PYHIN1: variants seen among roughly 807,000 people sequenced by gnomAD.
PYHIN1 encodes pyrin and HIN domain family member 1.
Under a neutral mutation model 43.7 loss-of-function variants are expected in PYHIN1, and 32 were observed. The observed-to-expected ratio is 0.73, with a 90% CI of 0.55 to 0.98. The LOEUF is 0.98. Among genes scored for constraint, PYHIN1 ranks in the 50% least tolerant of loss-of-function variants. The pLI, the probability that PYHIN1 is intolerant of heterozygous loss-of-function variation, is 0.00. For synonymous variants in PYHIN1, 205 were observed against 203.1 expected, an observed-to-expected ratio of 1.01 and a Z score of -0.08; for missense variants, 588 against 589.5, an observed-to-expected ratio of 1.00 and a Z score of 0.03.
At chr1:158,958,100 GA>G (rs1650071256) in intron 7 of PYHIN1, among the ~76,000 whole-genome samples, 1 of 151,972 alleles carries the variant, frequency 6.6e-6, no homozygotes. Flanking sequence ...AAAAAGTCAG[GA>G]AACAACAGGT....
chr1:158,942,366 A>G lies in PYHIN1; in HGVS notation c.969A>G (p.Gly323=). Residue 323 remains glycine (G), a synonymous_variant, in exon 5 of 9, where the codon GGA becomes GGG. Coordinates refer to ENST00000368140, the MANE Select transcript of PYHIN1 (RefSeq NM_152501.5). The stretch of plus-strand genomic sequence containing the variant: ...ATATTCTTCACAAACAAACTTCAGG[A>G]TATATTGTATATGGATTATTTATGC... ...KINILHKQTS[G]YIVYGLFMLH... The G allele has an allele frequency of 6.2e-7, 1 of 1,607,846 alleles. No homozygotes were observed. Among genetic ancestry groups the G allele is most frequent in the Non-Finnish European group, 8.5e-7 (1 of 1,178,110 alleles).
chr1:158,950,906 T>C (rs1364748741), intron 7 of PYHIN1, among the ~76,000 whole-genome samples: 1 of 152,248 alleles, frequency 6.6e-6, no homozygotes, highest in Non-Finnish European at 1.5e-5. Context: ...TTTTGTGGGC[T>C]GTCCCATAAG....
chr1:158,953,842 G>A (rs1258653443), intron 7 of PYHIN1, among the ~76,000 whole-genome samples: 1 of 150,964 alleles, frequency 6.6e-6, no homozygotes, highest in African/African-American at 2.4e-5. Context: ...CAAAGAAGTT[G>A]AAAACTTTGA....
chr1:158,976,606 G>T, intron 8 of PYHIN1, 95 bp from the exon 9 acceptor site: 1 of 851,098 alleles, frequency 1.2e-6, no homozygotes, highest in South Asian at 1.7e-5. Flanking sequence ...AAGAAGAGAT[G>T]TGGCTCACAG....
At chr1:158,982,167 G>A in the PYHIN1 span, among the ~76,000 whole-genome samples, 1 of 152,084 alleles carries the variant, frequency 6.6e-6, no homozygotes, top group African/African-American at 2.4e-5. Context: ...TTTTGTTGTT[G>A]TTGCTACATT....
At chr1:158,977,190 C>T (rs1473150695), downstream of PYHIN1, 1 of 152,256 alleles carries the variant, frequency 6.6e-6, no homozygotes, top group Non-Finnish European at 1.5e-5. Context: ...CTGGTTAAGA[C>T]TGAACTGACT....
At chr1:158,963,582 A>C (rs369126206) in intron 7 of PYHIN1, among the ~76,000 whole-genome samples, 1 of 152,236 alleles carries the variant, frequency 6.6e-6, no homozygotes, top group Non-Finnish European at 1.5e-5. Context: ...CATGCCCTGC[A>C]TATGGCAGAG....
intron 7 of PYHIN1, among the ~76,000 whole-genome samples, chr1:158,965,033 A>C (rs1650552323): frequency 6.6e-6 from 1 of 152,190 alleles, no homozygotes; most frequent in South Asian, 2.1e-4. Context: ...AAATAAAAGG[A>C]CAAAGAAAAA....
intron 7 of PYHIN1, among the ~76,000 whole-genome samples, chr1:158,955,254 A>C (rs1277594703): frequency 6.6e-6 from 1 of 152,154 alleles, no homozygotes; most frequent in Non-Finnish European, 1.5e-5. Flanking sequence ...AACCGGACCT[A>C]ACAGACATCT....
downstream of PYHIN1, among the ~76,000 whole-genome samples, chr1:158,978,355 G>T (rs994358505): frequency 6.6e-6 from 1 of 151,798 alleles, no homozygotes; most frequent in Non-Finnish European, 1.5e-5. Flanking sequence ...TGAAGCCACC[G>T]AATTTTTTCC....
At chr1:158,940,924 T>C (rs992140888) in intron 4 of PYHIN1, among the ~76,000 whole-genome samples, 4 of 152,212 alleles carry the variant, frequency 2.6e-5, no homozygotes, top group Admixed American at 6.5e-5. Flanking sequence ...CTCTGAGCAG[T>C]TATATGATCC....
At chr1:158,936,799 T>G (rs1648569889) in intron 1 of PYHIN1, 92 bp from the exon 2 acceptor site, 1 of 806,406 alleles carries the variant, frequency 1.2e-6, no homozygotes, top group Non-Finnish European at 1.8e-6. Context: ...TGAACAACTC[T>G]TTCTTATGGG....
intron 7 of PYHIN1, among the ~76,000 whole-genome samples, chr1:158,947,835 G>A (rs1649305477): frequency 6.6e-6 from 1 of 152,222 alleles, no homozygotes; most frequent in Admixed American, 6.5e-5. Flanking sequence ...GTTGATCAAA[G>A]GTTGGTCTTA....
At chr1:158,939,043 C>G (rs764514169) in intron 3 of PYHIN1, 37 bp from the exon 4 acceptor site, 1 of 1,482,104 alleles carries the variant, frequency 6.7e-7, no homozygotes, top group Non-Finnish European at 9.1e-7. Context: ...TCATTTGACA[C>G]TGAAAGTAAT....
intron 7 of PYHIN1, among the ~76,000 whole-genome samples, chr1:158,956,953 A>T (rs1411403914): frequency 1.5e-5 from 2 of 131,216 alleles, no homozygotes; most frequent in African/African-American, 5.8e-5. Context: ...ATTCTTATAC[A>T]CCAACAACAG....
intron 7 of PYHIN1, among the ~76,000 whole-genome samples, chr1:158,970,811 T>A (rs780533662): frequency 6.6e-6 from 1 of 152,044 alleles, no homozygotes; most frequent in Non-Finnish European, 1.5e-5. Context: ...AGTAAAGCTG[T>A]GTTTATTATA....
At chr1:158,932,721 G>A (rs1648235609) in intron 1 of PYHIN1, among the ~76,000 whole-genome samples, 1 of 152,126 alleles carries the variant, frequency 6.6e-6, no homozygotes, top group African/African-American at 2.4e-5. Context: ...ATTTTCATAA[G>A]TATGTTTAAC....
chr1:158,981,564 A>G (rs568780219), downstream of PYHIN1, among the ~76,000 whole-genome samples: 83 of 152,308 alleles, frequency 5.4e-4, no homozygotes, highest in Non-Finnish European at 9.6e-4. Context: ...TTGGGTATAT[A>G]CCAGTAATGG....
chr1:158,982,591 G>T, the PYHIN1 span, among the ~76,000 whole-genome samples: 6,268 of 151,964 alleles, frequency 0.041, 353 homozygotes, highest in East Asian at 0.26. Context: ...CCAGCTTTGT[G>T]GTTTCTGCAT....
Sources: gnomAD v4.1 joint callset for allele counts (sites outside exome capture counted in the v4.1 genomes callset) on GRCh38, gnomAD v4.1.1 for gene constraint, MANE v1.5 for transcripts, NCBI Gene and HGNC (gene_info 2026-07-23, HGNC 2026-07-21) for gene names.